The following U2SURP variants were observed in gnomAD, a reference collection of about 807,000 sequenced individuals.
The protein encoded by U2SURP is U2 snRNP associated SURP domain containing.
U2SURP carries 9 observed loss-of-function variants against 144.9 expected under a neutral mutation model. That is an observed-to-expected ratio of 0.06 (90% CI 0.04 to 0.11). The LOEUF (loss-of-function observed/expected upper bound fraction) is 0.11, where lower values mean the gene tolerates loss of function less well. U2SURP is among the 10% of genes least tolerant of loss of function. The probability of loss-of-function intolerance (pLI) is 1.00; values close to 1 mark genes in which losing one functional copy is unlikely to be tolerated. For synonymous variants in U2SURP, 408 were observed against 396.8 expected, an observed-to-expected ratio of 1.03 and a Z score of -0.33; for missense variants, 724 against 1,226.7, an observed-to-expected ratio of 0.59 and a Z score of 6.12.
chr3:143,022,153 G>T (rs529750013), intron 10 of U2SURP, among the ~76,000 whole-genome samples: 1 of 152,152 alleles, frequency 6.6e-6, no homozygotes, highest in South Asian at 2.1e-4. Context: ...ATGCCTGCTT[G>T]AAAAATGTTA....
intron 1 of U2SURP, 31 bp from the exon 2 acceptor site, chr3:143,010,784 A>G: frequency 6.4e-7 from 1 of 1,570,726 alleles, no homozygotes; most frequent in Non-Finnish European, 8.7e-7. Context: ...AGACATTTTA[A>G]ATTATTGACT....
chr3:143,056,333 A>G lies in U2SURP; in HGVS notation c.2973A>G (p.Thr991=), dbSNP rs1935152068. The G allele has an allele frequency of 1.9e-6, 3 of 1,608,386 alleles. No individual in the cohort carries two copies. Among genetic ancestry groups the G allele is most frequent in the Admixed American group, 1.7e-5 (1 of 59,242 alleles). Residue 991 remains threonine, a synonymous_variant, in exon 28 of 28, where the codon ACA becomes ACG. Coordinates refer to ENST00000473835, the MANE Select transcript of U2SURP (RefSeq NM_001080415.2). Reference sequence around the variant, plus strand: ...TTAGATCACCATCTGGTTCAAGGACACCTAAAAGGTCTAGGCGATCACGGT... The same window carrying G: ...TTAGATCACCATCTGGTTCAAGGACGCCTAAAAGGTCTAGGCGATCACGGT... ...KAKRSPSGSR[T]PKRSRRSRSR...
chr3:143,001,810 A>T, intron 1 of U2SURP, 137 bp downstream of exon 1: 7 of 1,140,348 alleles, frequency 6.1e-6, no homozygotes, highest in Middle Eastern at 2.0e-4. Context: ...GCGCCGCCGC[A>T]CCGTTGTGCG....
chr3:143,017,209 T>C (rs999058699), intron 6 of U2SURP: 1 of 360,020 alleles, frequency 2.8e-6, no homozygotes, highest in Non-Finnish European at 5.0e-6. Context: ...CTATTTATGC[T>C]CATAATATAT....
chr3:143,033,983 CATAAG>C (rs1184314355), intron 18 of U2SURP, among the ~76,000 whole-genome samples: 1 of 152,158 alleles, frequency 6.6e-6, no homozygotes, highest in Non-Finnish European at 1.5e-5. Flanking sequence ...TACTGGCAAA[CATAAG>C]AGACCAAAGA....
chr3:143,009,998 A>G (rs1936040347), intron 1 of U2SURP, among the ~76,000 whole-genome samples: 2 of 152,232 alleles, frequency 1.3e-5, no homozygotes. Context: ...TATACCCTCA[A>G]AAATAAAAAC....
chr3:143,004,517 A>G (rs1182495719), intron 1 of U2SURP, among the ~76,000 whole-genome samples: 1 of 136,956 alleles, frequency 7.3e-6, no homozygotes, highest in Non-Finnish European at 1.5e-5. Flanking sequence ...GCGCCTGGCC[A>G]ATTTTTGTAT....
intron 1 of U2SURP, among the ~76,000 whole-genome samples, chr3:143,004,510 C>A (rs1379802752): frequency 7.3e-6 from 1 of 137,578 alleles, no homozygotes; most frequent in African/African-American, 2.8e-5. Flanking sequence ...ACTACAGGCG[C>A]CTGGCCAATT....
Position 143,059,514 on chromosome 3 carries a change from G to GT in U2SURP, c.*3065dup, listed in dbSNP as rs1413999097. 6.6e-6 allele frequency: 1 copy of GT among 151,844 alleles called. No homozygotes were observed. Among genetic ancestry groups the GT allele is most frequent in the African/African-American group, 2.4e-5 (1 of 41,372 alleles). 9.4% of individuals were successfully genotyped at this position (151,844 alleles called of 1,614,324 possible). A position where few individuals can be genotyped will look rare whatever the true frequency, so the allele number is the denominator to read the frequency against. On this transcript the variant is annotated 3_prime_UTR_variant, in exon 28 of 28. Transcript: ENST00000473835. ...TGTACACATTTGCCTCCATGGTGGC[G>GT]TAAGTTCTGAAAAATTATATGACCG...
At chr3:143,052,950 GT>G (rs11436960) in intron 25 of U2SURP, among the ~76,000 whole-genome samples, 290 of 132,908 alleles carry the variant, frequency 2.2e-3, no homozygotes, top group African/African-American at 6.9e-3. Flanking sequence ...AAATGTGTTG[GT>G]TTTTTTTTTT....
Position 143,004,578 on chromosome 3 carries a change from C to CCG in U2SURP, c.45+2906_45+2907insGC, listed in dbSNP as rs1216658142. Among the ~76,000 whole-genome samples, 25 of 79,228 alleles carry CCG rather than the reference C, an allele frequency of 3.2e-4. 7 individuals are homozygous for CCG. The East Asian group carries it at 0.01, about 32-fold the overall frequency. 52.0% of individuals were successfully genotyped at this position (79,228 alleles called of 152,430 possible). On this transcript the variant is annotated intron_variant, in intron 1 of 27. Transcript: ENST00000473835. ...GTTGGCCTCTTGACCTTGTGACCCC[C>CCG]CCCCCCCGCCTCGGCCTCCCAAAGT...
intron 24 of U2SURP, among the ~76,000 whole-genome samples, chr3:143,045,729 G>A (rs1040824261): frequency 6.6e-6 from 1 of 152,180 alleles, no homozygotes; most frequent in Admixed American, 6.5e-5. Flanking sequence ...TATTTCTCCT[G>A]CTTTCATAGT....
intron 1 of U2SURP, among the ~76,000 whole-genome samples, chr3:143,009,032 A>C (rs564035378): frequency 1.3e-5 from 2 of 152,144 alleles, no homozygotes; most frequent in Non-Finnish European, 2.9e-5. Context: ...GAGCCACTGC[A>C]CCTGGCCCAG....
At chr3:143,027,122 T>C in intron 13 of U2SURP, 27 bp from the exon 14 acceptor site, 13 of 1,567,012 alleles carry the variant, frequency 8.3e-6, no homozygotes, top group Non-Finnish European at 1.1e-5. Context: ...TCTGAATCCA[T>C]TTTCTTTAAC....
Position 143,047,578 on chromosome 3 carries a change from A to AC in U2SURP, c.2545-3353dup, listed in dbSNP as rs1323218857. Among the ~76,000 whole-genome samples the AC allele has an allele frequency of 2.4e-3, 77 of 32,476 alleles. 13 individuals are homozygous for AC. Among genetic ancestry groups the AC allele is most frequent in the African/African-American group, 7.6e-3 (60 of 7,892 alleles). The allele number at this position is 32,476 out of a possible 152,430, so 21.3% of individuals were successfully genotyped here. A position where few individuals can be genotyped will look rare whatever the true frequency, so the allele number is the denominator to read the frequency against. ...GGGCGGCTGGCTGGGCGGGGGGCTG[A>AC]CCCCCCCCACCTCCCTCCCGGACGG... On this transcript the variant is annotated intron_variant, in intron 24 of 27. Coordinates refer to ENST00000473835, the MANE Select transcript of U2SURP (RefSeq NM_001080415.2).
At chr3:143,043,692 A>G (rs970777469) in intron 24 of U2SURP, among the ~76,000 whole-genome samples, 2 of 146,524 alleles carry the variant, frequency 1.4e-5, no homozygotes, top group Non-Finnish European at 3.0e-5. Flanking sequence ...CTCTGAAGAA[A>G]TGGATTCTAA....
In U2SURP at chr3:143,002,245, A is replaced by G. The variant is rs114054968; in HGVS notation, c.45+572A>G. On this transcript the variant is annotated intron_variant, in intron 1 of 27. Coordinates refer to ENST00000473835, the MANE Select transcript of U2SURP (RefSeq NM_001080415.2). The stretch of plus-strand genomic sequence containing the variant: ...AGTGCTGCATAGCCAAGGTTAATGT[A>G]CAGTCTACACGTGGTCTTTACCTTA... 7.4e-3 allele frequency: 1,249 copies of G among 168,910 alleles called. 19 individuals are homozygous for G. The highest frequency in any genetic ancestry group is 0.029 in the African/African-American group (1,206 of 41,642). The allele number at this position is 168,910 out of a possible 1,614,324, so 10.5% of individuals were successfully genotyped here. A position where few individuals can be genotyped will look rare whatever the true frequency, so the allele number is the denominator to read the frequency against.
At chr3:143,023,132 T>C in intron 12 of U2SURP, 68 bp downstream of exon 12, 3 of 1,327,070 alleles carry the variant, frequency 2.3e-6, no homozygotes, top group Non-Finnish European at 3.1e-6. Context: ...AGTATTTCTT[T>C]TCAACAATTT....
intron 1 of U2SURP, among the ~76,000 whole-genome samples, chr3:143,006,826 T>C (rs1227665533): frequency 6.6e-6 from 1 of 152,192 alleles, no homozygotes; most frequent in Non-Finnish European, 1.5e-5. Flanking sequence ...GGTGTTATGC[T>C]TCCTATAGGA....
Sources: gnomAD v4.1 joint callset for allele counts (sites outside exome capture counted in the v4.1 genomes callset) on GRCh38, gnomAD v4.1.1 for gene constraint, MANE v1.5 for transcripts, NCBI Gene and HGNC (gene_info 2026-07-23, HGNC 2026-07-21) for gene names.